CALN1: variants seen among roughly 807,000 people sequenced by gnomAD.
CALN1 encodes the protein calcium-binding protein 8.
In CALN1, 17 loss-of-function variants were observed where a neutral mutation model predicts 30.6. The observed-to-expected ratio is 0.56, with a 90% CI of 0.38 to 0.83. The LOEUF (loss-of-function observed/expected upper bound fraction) is 0.83. Ranked by LOEUF, CALN1 falls within the 40% of genes least tolerant of loss-of-function variation. CALN1 has a pLI of 0.00. For missense variants in CALN1, 291 were observed against 354.9 expected (o/e 0.82, Z 1.45); for synonymous variants, 156 against 131.4 (o/e 1.19, Z -1.28).
the CALN1 span, among the ~76,000 whole-genome samples, chr7:72,458,731 C>A: frequency 7.7e-5 from 7 of 90,642 alleles, no homozygotes; most frequent in South Asian, 3.3e-4. Flanking sequence ...ATAATATATT[C>A]TATATTATAT....
intron 3 of CALN1, among the ~76,000 whole-genome samples, chr7:72,178,215 G>C (rs920832074): frequency 2.0e-5 from 3 of 152,174 alleles, no homozygotes; most frequent in Admixed American, 1.3e-4. Context: ...CAGGAAGGAA[G>C]ACCTCTTTCC....
At chr7:72,437,305 C>T (rs1055094833) in intron 1 of CALN1, among the ~76,000 whole-genome samples, 3 of 152,162 alleles carry the variant, frequency 2.0e-5, no homozygotes, top group African/African-American at 7.2e-5. Context: ...AGGCTGGACA[C>T]TCACTAAGGC....
chr7:71,923,022 A>G (rs866408944), intron 5 of CALN1, among the ~76,000 whole-genome samples: 1 of 120,532 alleles, frequency 8.3e-6, no homozygotes, highest in African/African-American at 2.9e-5. Context: ...ACTATACTAT[A>G]CTATTCTATA....
rs150140381 is a variant in CALN1, at chr7:72,340,360, T to G, written c.120-61550A>C. On this transcript the variant is annotated intron_variant, in intron 2 of 6. Coordinates refer to ENST00000395275, the MANE Select transcript of CALN1 (RefSeq NM_031468.4). ...AGTATTGGGATTACTAGTCCCAATGTGAGCCCATGTGGGCCTCTGCTCCCA... is the reference window on the plus strand; with the variant it reads ...AGTATTGGGATTACTAGTCCCAATGGGAGCCCATGTGGGCCTCTGCTCCCA... Among the ~76,000 whole-genome samples, 1,245 of 151,994 alleles carry G rather than the reference T, an allele frequency of 8.2e-3. 8 individuals carry two copies. The highest frequency in any genetic ancestry group is 0.014 in the Non-Finnish European group (976 of 67,972).
intron 2 of CALN1, among the ~76,000 whole-genome samples, chr7:72,356,051 A>G (rs1207017612): frequency 6.6e-6 from 1 of 152,246 alleles, no homozygotes; most frequent in Non-Finnish European, 1.5e-5. Context: ...TGATTTGATC[A>G]TTACACATTG....
intron 3 of CALN1, among the ~76,000 whole-genome samples, chr7:72,178,146 T>C (rs1008904812): frequency 2.0e-5 from 3 of 152,146 alleles, no homozygotes; most frequent in Admixed American, 2.0e-4. Flanking sequence ...AGAAGGAGAA[T>C]AAGGCCCAAT....
At chr7:72,333,543 C>G (rs1490787866) in intron 2 of CALN1, among the ~76,000 whole-genome samples, 1 of 152,106 alleles carries the variant, frequency 6.6e-6, no homozygotes, top group African/African-American at 2.4e-5. Context: ...AGTCAGAACT[C>G]ACACTGTTTT....
chr7:72,249,379 A>C (rs940061787), intron 3 of CALN1, among the ~76,000 whole-genome samples: 3 of 152,228 alleles, frequency 2.0e-5, no homozygotes, highest in African/African-American at 7.2e-5. Context: ...GTGTGAGGTC[A>C]AGAAGTCAGG....
upstream of CALN1, among the ~76,000 whole-genome samples, chr7:72,416,120 G>A (rs954154724): frequency 3.9e-5 from 6 of 152,154 alleles, no homozygotes; most frequent in African/African-American, 7.2e-5. Flanking sequence ...CTGAAGACTG[G>A]CTAAAATAGG....
At chr7:72,387,044 C>T (rs1010393884) in intron 2 of CALN1, among the ~76,000 whole-genome samples, 1 of 150,998 alleles carries the variant, frequency 6.6e-6, no homozygotes, top group Non-Finnish European at 1.5e-5. Context: ...AGAAAGTTCT[C>T]AAAACACAGG....
At chr7:72,420,584 G>A (rs1043251819) in intron 1 of CALN1, among the ~76,000 whole-genome samples, 3 of 151,496 alleles carry the variant, frequency 2.0e-5, no homozygotes, top group Non-Finnish European at 2.9e-5. Flanking sequence ...GCAGAAGACA[G>A]GTTTACCAGG....
chr7:72,161,442 G>A (rs143318433), intron 3 of CALN1, among the ~76,000 whole-genome samples: 1 of 152,280 alleles, frequency 6.6e-6, no homozygotes, highest in Non-Finnish European at 1.5e-5. Context: ...TGAATCCAAG[G>A]TAGTGGCTTT....
intron 5 of CALN1, among the ~76,000 whole-genome samples, chr7:71,832,607 C>CT (rs1384044781): frequency 6.6e-6 from 1 of 151,902 alleles, no homozygotes; most frequent in South Asian, 2.1e-4. Context: ...TAAGTGTTTC[C>CT]TTTTTTGTTT....
At chr7:71,922,768 TATTA>T (rs528026631) in intron 5 of CALN1, among the ~76,000 whole-genome samples, 3 of 139,250 alleles carry the variant, frequency 2.2e-5, no homozygotes, top group South Asian at 2.2e-4. Flanking sequence ...ATACCGAATA[TATTA>T]TATATAAATA....
intron 3 of CALN1, among the ~76,000 whole-genome samples, chr7:72,271,575 A>AAAAAAAAAAAAAAAAAATATATAT: frequency 5.8e-5 from 3 of 52,120 alleles, no homozygotes; most frequent in African/African-American, 4.0e-4. Context: ...AAAAAAAAAA[A>AAAAAAAAAAAAAAAAAATATATAT]ATATATATAT....
chr7:72,431,756 C>A (rs1425950494), intron 1 of CALN1, among the ~76,000 whole-genome samples: 1 of 149,980 alleles, frequency 6.7e-6, no homozygotes, highest in Admixed American at 6.8e-5. Context: ...GTCAGAGGAT[C>A]TTTGGAGTCC....
intron 3 of CALN1, among the ~76,000 whole-genome samples, chr7:72,139,782 T>A (rs1455043993): frequency 6.6e-6 from 1 of 152,212 alleles, no homozygotes; most frequent in Non-Finnish European, 1.5e-5. Flanking sequence ...ACAGAGCTGA[T>A]GGCTGTATTT....
rs149161853 is a variant in CALN1 at position 71,920,805 on chromosome 7, C to T, written c.501+102852G>A. ...AGCTGAACTAGGTATAAGAACCTTG[C>T]GGCAATTTCTCAAGGATCTATAACT... On this transcript the variant is annotated intron_variant, in intron 5 of 6. Coordinates refer to ENST00000395275, the MANE Select transcript of CALN1 (RefSeq NM_031468.4). Among the ~76,000 whole-genome samples the T allele has an allele frequency of 2.2e-4, 33 of 152,198 alleles. No homozygotes were observed. In the East Asian group the frequency reaches 4.2e-3, roughly 20 times the overall value.
intron 3 of CALN1, among the ~76,000 whole-genome samples, chr7:72,258,628 G>T (rs1796078050): frequency 6.6e-6 from 1 of 152,156 alleles, no homozygotes; most frequent in Admixed American, 6.5e-5. Context: ...ACAGCCAAAA[G>T]ATATGAAGAA....
Sources: allele counts gnomAD v4.1 joint callset (sites outside exome capture counted in the v4.1 genomes callset), GRCh38; gene constraint gnomAD v4.1.1; transcripts MANE v1.5; gene names NCBI Gene and HGNC (gene_info 2026-07-23, HGNC 2026-07-21).